The following SPOCK3 variants were observed in gnomAD, a reference collection of about 807,000 sequenced individuals.
SPOCK3 encodes the protein SPARC (osteonectin), cwcv and kazal like domains proteoglycan 3.
A neutral mutation model predicts 56.6 loss-of-function variants in SPOCK3; 30 were observed. The observed-to-expected ratio is 0.53, with a 90% CI of 0.40 to 0.72. The LOEUF is 0.72. Ranked by LOEUF, SPOCK3 falls within the 30% of genes least tolerant of loss-of-function variation. The pLI, the probability that SPOCK3 is intolerant of heterozygous loss-of-function variation, is 0.00. For synonymous variants in SPOCK3, 196 were observed against 183.3 expected, an observed-to-expected ratio of 1.07 and a Z score of -0.56; for missense variants, 527 against 530.0, an observed-to-expected ratio of 0.99 and a Z score of 0.06.
intron 2 of SPOCK3, among the ~76,000 whole-genome samples, chr4:167,100,684 G>A (rs1712184753): frequency 6.6e-6 from 1 of 152,018 alleles, no homozygotes; most frequent in Non-Finnish European, 1.5e-5. Flanking sequence ...TCTTAAAAGA[G>A]TTTTGATGAT....
At position 166,735,077 on chromosome 4, in the gene SPOCK3, C is replaced by G. The variant is rs771167940; in HGVS notation, c.1146G>C (p.Glu382Asp). 6.2e-7 allele frequency: 1 copy of G among 1,602,236 alleles called. No homozygotes were observed. Among genetic ancestry groups the G allele is most frequent in the Admixed American group, 1.7e-5 (1 of 58,954 alleles). The change falls in exon 11 of 11, where the codon GAG becomes GAC. Residue 382 changes from glutamate (E) to aspartate (D), a missense_variant. Physicochemically the swap from Glu to Asp is conservative, Grantham distance 45. Coordinates refer to ENST00000357545, the MANE Select transcript of SPOCK3 (RefSeq NM_001040159.2). ...NGVADCAIDFEISGDFASGDF... is the reference protein window; with the variant it reads ...NGVADCAIDFDISGDFASGDF... ...CGCCACTAGCAAAATCTCCGGAGATCTCAAAATCTATAGCTTAAAACAAGT... is the reference window on the plus strand; with the variant it reads ...CGCCACTAGCAAAATCTCCGGAGATGTCAAAATCTATAGCTTAAAACAAGT...
chr4:166,936,570 C>T (rs1740431083), intron 4 of SPOCK3, among the ~76,000 whole-genome samples: 2 of 152,054 alleles, frequency 1.3e-5, no homozygotes, highest in African/African-American at 4.8e-5. Flanking sequence ...TCCAGTGGCA[C>T]AGCTTTTCCC....
intron 3 of SPOCK3, among the ~76,000 whole-genome samples, chr4:167,001,003 T>G (rs1748899432): frequency 6.6e-6 from 1 of 152,198 alleles, no homozygotes; most frequent in Non-Finnish European, 1.5e-5. Context: ...TGCATTTTCA[T>G]TTTTACATCA....
intron 6 of SPOCK3, among the ~76,000 whole-genome samples, chr4:166,794,369 C>CA (rs1741678519): frequency 6.6e-6 from 1 of 152,036 alleles, no homozygotes; most frequent in Admixed American, 6.6e-5. Flanking sequence ...AGGAATTCTA[C>CA]ATATGCATAC....
intron 6 of SPOCK3, among the ~76,000 whole-genome samples, chr4:166,881,162 TA>T (rs1453245206): frequency 2.0e-5 from 3 of 152,066 alleles, no homozygotes; most frequent in African/African-American, 7.2e-5. Context: ...TTTTTGAAAT[TA>T]AAAAATTCAC....
chr4:167,139,677 T>A (rs1279249570), intron 2 of SPOCK3, among the ~76,000 whole-genome samples: 1 of 152,056 alleles, frequency 6.6e-6, no homozygotes, highest in Non-Finnish European at 1.5e-5. Context: ...TGGCTCATAT[T>A]TTCACAAGAA....
chr4:166,805,086 T>C (rs1248640759), intron 6 of SPOCK3, among the ~76,000 whole-genome samples: 2 of 152,104 alleles, frequency 1.3e-5, no homozygotes, highest in African/African-American at 4.8e-5. Context: ...AATAATATTC[T>C]ATGGATATGT....
intron 4 of SPOCK3, among the ~76,000 whole-genome samples, chr4:166,914,095 A>G (rs1737579522): frequency 6.6e-6 from 1 of 152,130 alleles, no homozygotes; most frequent in Admixed American, 6.6e-5. Context: ...ACTTGCACTG[A>G]ACTTTCACTG....
chr4:166,965,391 TG>T (rs746271477), intron 4 of SPOCK3, among the ~76,000 whole-genome samples: 5 of 144,826 alleles, frequency 3.5e-5, no homozygotes, highest in Non-Finnish European at 6.1e-5. Context: ...TTTCTATTAT[TG>T]TTTTTTTTTT....
intron 10 of SPOCK3, among the ~76,000 whole-genome samples, chr4:166,735,521 G>T (rs766442428): frequency 2.7e-4 from 41 of 151,988 alleles, no homozygotes; most frequent in Non-Finnish European, 7.4e-5. Context: ...ATATGGTTAA[G>T]TAAAGGAATT....
At chr4:166,935,657 G>C (rs928089261) in intron 4 of SPOCK3, among the ~76,000 whole-genome samples, 4 of 152,156 alleles carry the variant, frequency 2.6e-5, no homozygotes, top group African/African-American at 9.7e-5. Flanking sequence ...TATAGAGTTT[G>C]AGCATAAGGG....
intron 2 of SPOCK3, among the ~76,000 whole-genome samples, chr4:167,144,545 T>A (rs1763781786): frequency 6.6e-6 from 1 of 151,754 alleles, no homozygotes; most frequent in African/African-American, 2.4e-5. Flanking sequence ...CTCCATAAAA[T>A]ATAAAAGCAG....
chr4:166,855,305 G>A (rs866338785), intron 6 of SPOCK3, among the ~76,000 whole-genome samples: 1 of 152,002 alleles, frequency 6.6e-6, no homozygotes. Flanking sequence ...AAAAAAAAAT[G>A]CAGCTTAAGT....
At chr4:167,132,244 A>G (rs570895823) in intron 2 of SPOCK3, among the ~76,000 whole-genome samples, 14 of 152,362 alleles carry the variant, frequency 9.2e-5, no homozygotes, top group Non-Finnish European at 2.1e-4. Context: ...TGCTTAAATC[A>G]TCAATAGCAG....
chr4:167,047,265 G>C lies in SPOCK3; in HGVS notation c.235+15227C>G, dbSNP rs139705214. Among the ~76,000 whole-genome samples the C allele has an allele frequency of 6.8e-3, 1,029 of 152,216 alleles. 11 individuals are homozygous for C. Among genetic ancestry groups the C allele is most frequent in the Non-Finnish European group, 6.9e-3 (469 of 68,000 alleles). On this transcript the variant is annotated intron_variant, in intron 3 of 10. Transcript: ENST00000357545. ...ACATCTAACGAGTATTTTAAAAATA[G>C]GGTAACTATAAAAATAATTTGAGTA... is the stretch of plus-strand genomic sequence containing the variant.
chr4:166,884,234 T>C (rs564753235), intron 6 of SPOCK3, among the ~76,000 whole-genome samples: 4 of 152,044 alleles, frequency 2.6e-5, no homozygotes, highest in Non-Finnish European at 5.9e-5. Flanking sequence ...GCACCTGTTG[T>C]CCCAGCTACT....
intron 3 of SPOCK3, among the ~76,000 whole-genome samples, chr4:167,045,040 T>G (rs547043341): frequency 3.3e-5 from 5 of 152,304 alleles, no homozygotes; most frequent in Admixed American, 3.3e-4. Context: ...TGAATTCAAC[T>G]ATTTTTCCTT....
intron 2 of SPOCK3, among the ~76,000 whole-genome samples, chr4:167,091,806 A>G (rs1009366045): frequency 4.6e-5 from 7 of 152,216 alleles, no homozygotes; most frequent in African/African-American, 2.4e-5. Flanking sequence ...CTTATGTCCT[A>G]TGAACAATAA....
chr4:167,151,650 T>G (rs1344614998), intron 2 of SPOCK3, among the ~76,000 whole-genome samples: 8 of 152,026 alleles, frequency 5.3e-5, no homozygotes, highest in Admixed American at 5.2e-4. Context: ...TTAGCCAGGA[T>G]GGTCTCGATC....
Sources: gnomAD v4.1 joint callset for allele counts (sites outside exome capture counted in the v4.1 genomes callset) on GRCh38, gnomAD v4.1.1 for gene constraint, MANE v1.5 for transcripts, NCBI Gene and HGNC (gene_info 2026-07-23, HGNC 2026-07-21) for gene names.